The following DPP10 variants were observed in gnomAD, a reference collection of about 807,000 sequenced individuals.
The protein encoded by DPP10 is dipeptidyl peptidase like 10, also known as inactive dipeptidyl peptidase 10.
DPP10 carries 33 observed loss-of-function variants against 120.9 expected under a neutral mutation model. The ratio of observed to expected loss-of-function variants is 0.27; its 90% CI spans 0.21 to 0.37. The LOEUF is 0.37. DPP10 is among the 10% of genes least tolerant of loss of function. The pLI, the probability that DPP10 is intolerant of heterozygous loss-of-function variation, is 1.00. For synonymous variants in DPP10, 337 were observed against 326.1 expected, an observed-to-expected ratio of 1.03 and a Z score of -0.36; for missense variants, 816 against 942.8, an observed-to-expected ratio of 0.87 and a Z score of 1.76.
At chr2:115,043,360 G>A (rs148031799) in intron 1 of DPP10, among the ~76,000 whole-genome samples, 8 of 152,222 alleles carry the variant, frequency 5.3e-5, no homozygotes, top group African/African-American at 1.2e-4. Flanking sequence ...AACATACTAC[G>A]ATCTCAAAAT....
chr2:115,611,032 T>G (rs5023300), intron 5 of DPP10, among the ~76,000 whole-genome samples: 150,290 of 152,160 alleles, frequency 0.99, 74,254 homozygotes, highest in East Asian at 1. Flanking sequence ...GACTGATGTA[T>G]CTTGCATTCT....
chr2:114,719,199 T>G (rs1701546622), intron 1 of DPP10, among the ~76,000 whole-genome samples: 1 of 152,230 alleles, frequency 6.6e-6, no homozygotes, highest in Non-Finnish European at 1.5e-5. Context: ...TAGCTACACC[T>G]GTGGCTGGTT....
chr2:114,804,947 T>C (rs4254510), intron 1 of DPP10, among the ~76,000 whole-genome samples: 100,898 of 151,962 alleles, frequency 0.66, 33,769 homozygotes, highest in East Asian at 0.77. Flanking sequence ...CAAATCTCAA[T>C]TTGAATTGTA....
chr2:115,768,306 C>G lies in DPP10; in HGVS notation c.1123C>G (p.Pro375Ala), dbSNP rs142535149. 6 of 1,613,288 alleles carry G rather than the reference C, an allele frequency of 3.7e-6. No homozygotes were observed. In the African/African-American group the frequency reaches 8.0e-5, roughly 22 times the overall value. The part of the protein sequence containing the change: ...DTWLSQQNEE[P>A]VFSRDGSKFF... ...CTCTTCTGTATTTTAGAATGAGGAG[C>G]CCGTGTTTTCTAGAGACGGCAGCAA... Residue 375 changes from proline (P) to alanine (A), a missense_variant, in exon 13 of 26, where the codon CCC becomes GCC. Physicochemically the swap from Pro to Ala is conservative, Grantham distance 27. Transcript: ENST00000410059.
intron 1 of DPP10, among the ~76,000 whole-genome samples, chr2:114,488,480 T>C (rs1681703982): frequency 6.6e-6 from 1 of 152,170 alleles, no homozygotes; most frequent in Non-Finnish European, 1.5e-5. Context: ...CCACTAGTAA[T>C]AGTAATCCAT....
intron 1 of DPP10, among the ~76,000 whole-genome samples, chr2:114,747,879 A>T (rs1407798455): frequency 6.6e-6 from 1 of 152,192 alleles, no homozygotes; most frequent in Non-Finnish European, 1.5e-5. Context: ...TAGTTAATGC[A>T]TTCCTCGGAG....
Position 114,610,993 on chromosome 2 carries a change from A to G in DPP10, c.60+168155A>G, listed in dbSNP as rs183397713. Reference sequence around the variant, plus strand: ...GCACTGAGTGATCATCATCAGGTACAGCTTCCCAAACACACAACTGCGCTG... The same window carrying G: ...GCACTGAGTGATCATCATCAGGTACGGCTTCCCAAACACACAACTGCGCTG... On this transcript the variant is annotated intron_variant, in intron 1 of 25. Coordinates refer to ENST00000410059, the MANE Select transcript of DPP10 (RefSeq NM_020868.6). 2.6e-5 allele frequency among the ~76,000 whole-genome samples: 4 copies of G among 152,236 alleles called. No homozygotes were observed. In the East Asian group the frequency reaches 7.7e-4, roughly 29 times the overall value.
Position 114,650,165 on chromosome 2 carries a change from C to T in DPP10, c.60+207327C>T, listed in dbSNP as rs1397889945. Among the ~76,000 whole-genome samples the T allele has an allele frequency of 5.9e-5, 9 of 152,106 alleles. 1 individual carries two copies. The highest frequency in any genetic ancestry group is 5.9e-4 in the Admixed American group (9 of 15,270). On this transcript the variant is annotated intron_variant, in intron 1 of 25. Coordinates refer to ENST00000410059, the MANE Select transcript of DPP10 (RefSeq NM_020868.6). ...AAGTACGGTGTTTTGATTGGTCACA[C>T]CTGAGTCTTATGATCTAACCTTGGA...
intron 1 of DPP10, among the ~76,000 whole-genome samples, chr2:114,450,319 C>T (rs538152409): frequency 1.2e-4 from 19 of 152,096 alleles, no homozygotes; most frequent in South Asian, 4.2e-4. Context: ...ACCTAATCGC[C>T]GATGTTCTCA....
At chr2:114,666,556 G>A (rs1474071454) in intron 1 of DPP10, among the ~76,000 whole-genome samples, 1 of 152,112 alleles carries the variant, frequency 6.6e-6, no homozygotes, top group South Asian at 2.1e-4. Flanking sequence ...TCTCTCAGCT[G>A]CCCTCAGCCA....
chr2:114,854,233 G>A (rs1174489295), intron 1 of DPP10, among the ~76,000 whole-genome samples: 1 of 152,134 alleles, frequency 6.6e-6, no homozygotes, highest in Non-Finnish European at 1.5e-5. Context: ...AGATATATTT[G>A]TAAAGCATTA....
intron 1 of DPP10, among the ~76,000 whole-genome samples, chr2:114,450,183 C>A (rs893064202): frequency 7.2e-5 from 11 of 152,062 alleles, no homozygotes; most frequent in Non-Finnish European, 1.2e-4. Flanking sequence ...GCCTCACATA[C>A]CTTCCCCATC....
intron 1 of DPP10, among the ~76,000 whole-genome samples, chr2:115,209,946 G>C (rs1465901289): frequency 6.6e-6 from 1 of 152,180 alleles, no homozygotes; most frequent in East Asian, 1.9e-4. Flanking sequence ...CAAGCACTTT[G>C]AGGTGGAGGA....
intron 7 of DPP10, among the ~76,000 whole-genome samples, chr2:115,724,256 A>G (rs1414798898): frequency 1.3e-5 from 2 of 152,212 alleles, no homozygotes; most frequent in East Asian, 3.8e-4. Context: ...GTCAGTGTGG[A>G]GAGAATCTGC....
intron 1 of DPP10, among the ~76,000 whole-genome samples, chr2:114,624,864 C>T (rs917459359): frequency 3.3e-5 from 5 of 151,902 alleles, no homozygotes; most frequent in Middle Eastern, 3.2e-3. Context: ...CATCAACTCA[C>T]ACCAACCTTG....
intron 1 of DPP10, among the ~76,000 whole-genome samples, chr2:114,745,015 C>T (rs1052658982): frequency 1.3e-5 from 2 of 152,146 alleles, no homozygotes; most frequent in South Asian, 2.1e-4. Flanking sequence ...CCATTTTGGC[C>T]TCCCAAAGTG....
chr2:114,747,125 A>C (rs1678648963), intron 1 of DPP10, among the ~76,000 whole-genome samples: 1 of 152,234 alleles, frequency 6.6e-6, no homozygotes. Flanking sequence ...TCATATATAG[A>C]TAAGAGAAGA....
chr2:115,740,335 T>C (rs1677098191), intron 9 of DPP10, among the ~76,000 whole-genome samples: 1 of 152,056 alleles, frequency 6.6e-6, no homozygotes, highest in African/African-American at 2.4e-5. Context: ...GCACTTAATG[T>C]GCTATATGTT....
At chr2:115,229,259 T>G (rs2057606525) in intron 1 of DPP10, among the ~76,000 whole-genome samples, 1 of 152,194 alleles carries the variant, frequency 6.6e-6, no homozygotes, top group African/African-American at 2.4e-5. Context: ...GAGCTCCTTA[T>G]GTAATCTGGT....
Sources: allele counts gnomAD v4.1 joint callset (sites outside exome capture counted in the v4.1 genomes callset), GRCh38; gene constraint gnomAD v4.1.1; transcripts MANE v1.5; gene names NCBI Gene and HGNC (gene_info 2026-07-23, HGNC 2026-07-21).